POLA2: variants seen among roughly 807,000 people sequenced by gnomAD.
The protein encoded by POLA2 is DNA polymerase alpha 2, accessory subunit.
POLA2 carries 47 observed loss-of-function variants against 82.8 expected under a neutral mutation model. That is an observed-to-expected ratio of 0.57 (90% confidence interval 0.45 to 0.72). The LOEUF (loss-of-function observed/expected upper bound fraction) is 0.72. Among genes scored for constraint, POLA2 ranks in the 30% least tolerant of loss-of-function variants. POLA2 has a pLI of 0.00. For synonymous variants in POLA2, 287 were observed against 286.8 expected, an observed-to-expected ratio of 1.00 and a Z score of -0.01; for missense variants, 634 against 728.1, an observed-to-expected ratio of 0.87 and a Z score of 1.49.
chr11:65,305,660 G>A (rs539567069), downstream of POLA2: 1 of 293,634 alleles, frequency 3.4e-6, no homozygotes, highest in South Asian at 2.8e-5. Context: ...CAGCCTGGGT[G>A]ACAGAGCAGG....
chr11:65,267,301 A>T (rs1246647899), intron 2 of POLA2, among the ~76,000 whole-genome samples, 176 bp from the exon 3 acceptor site: 1 of 152,106 alleles, frequency 6.6e-6, no homozygotes, highest in African/African-American at 2.4e-5. Context: ...GGATTGTTAT[A>T]TGTTATAGAC....
In POLA2 at chr11:65,266,605, G is replaced by C; in HGVS notation, c.103G>C (p.Gly35Arg). ...AGTGGTAGAGCTTTGTGTTCAGTAT[G>C]GACAGAATGAGGAGGGAATGGTAGG... ...EKLVELCVQY[G>R]QNEEGMVGEL... Residue 35 changes from glycine (G) to arginine (R), a missense_variant, in exon 2 of 18, where the codon GGA becomes CGA. Coordinates refer to ENST00000265465, the MANE Select transcript of POLA2 (RefSeq NM_002689.4). 1 of 1,614,050 alleles carries C rather than the reference G, an allele frequency of 6.2e-7. No individual in the cohort carries two copies. The highest frequency in any genetic ancestry group is 8.5e-7 in the Non-Finnish European group (1 of 1,179,898).
At position 65,282,515 on chromosome 11, in the gene POLA2, G is replaced by A. The variant is rs769679791; in HGVS notation, c.1000G>A (p.Asp334Asn). 4 of 1,613,246 alleles carry A rather than the reference G, an allele frequency of 2.5e-6. No individual in the cohort carries two copies. The highest frequency in any genetic ancestry group is 1.1e-5 in the South Asian group (1 of 91,058). ...TCCATTTTATCAGCCCACTGAAGAG[G>A]ATGCAGGTGAGTTTCGGTTCAAATA... is the stretch of plus-strand genomic sequence containing the variant. ...PLPFYQPTEE[D>N]ADFEQSMVLV... Residue 334 changes from aspartate (D) to asparagine (N), a missense_variant, in exon 10 of 18, where the codon GAT (aspartate) becomes AAT (asparagine). Physicochemically the swap from Asp to Asn is conservative, Grantham distance 23. Coordinates refer to ENST00000265465, the MANE Select transcript of POLA2 (RefSeq NM_002689.4).
downstream of POLA2, chr11:65,298,799 C>CA (rs1212416291): frequency 3.3e-5 from 5 of 152,380 alleles, no homozygotes; most frequent in African/African-American, 1.2e-4. Context: ...CTCCTCCACA[C>CA]ATGAAGCAGC....
chr11:65,292,366 T>C (rs762710200), intron 13 of POLA2, among the ~76,000 whole-genome samples: 4 of 152,266 alleles, frequency 2.6e-5, no homozygotes, highest in Non-Finnish European at 5.9e-5. Flanking sequence ...ATGCTGAGCA[T>C]AGTTGGGATG....
intron 9 of POLA2, 102 bp from the exon 10 acceptor site, chr11:65,282,377 C>T (rs1257391013): frequency 2.2e-6 from 2 of 901,966 alleles, no homozygotes; most frequent in Non-Finnish European, 3.7e-6. Context: ...CCACTGTCCT[C>T]CCATCACACA....
intron 10 of POLA2, among the ~76,000 whole-genome samples, chr11:65,286,217 G>A (rs1278165601): frequency 2.0e-5 from 3 of 152,110 alleles, no homozygotes; most frequent in Non-Finnish European, 4.4e-5. Flanking sequence ...AGAAATCTTA[G>A]GCTTCTGGCT....
chr11:65,278,883 C>T lies in POLA2; in HGVS notation c.615C>T (p.Ser205=). ...VLGCPEALTG[S]YKSMFQKLPD... is the part of the protein sequence containing the mutation. ...GATGTCCAGAGGCACTAACTGGGAG[C>T]TACAAATCCATGTTTCAGAAGCTCC... The change falls in exon 6 of 18, where the codon AGC becomes AGT. Residue 205 remains serine, a synonymous_variant. Coordinates refer to ENST00000265465, the MANE Select transcript of POLA2 (RefSeq NM_002689.4). The T allele has an allele frequency of 6.2e-7, 1 of 1,613,648 alleles. No homozygotes were observed. The highest frequency in any genetic ancestry group is 8.5e-7 in the Non-Finnish European group (1 of 1,180,000).
rs577884260 is a variant in POLA2 at position 65,281,824 on chromosome 11, G to C, written c.963+92G>C. ...TTCTAGAAACTGGTCCTTTTTAGGA[G>C]CCCATTTATTTGTTAGTCAGTTCTC... On this transcript the variant is annotated intron_variant, in intron 9 of 17. Transcript: ENST00000265465. 14 of 1,027,106 alleles carry C rather than the reference G, an allele frequency of 1.4e-5. No individual in the cohort carries two copies. The East Asian group carries it at 3.4e-4, about 25-fold the overall frequency. 63.6% of individuals were successfully genotyped at this position (1,027,106 alleles called of 1,614,324 possible).
rs1244209808 is a variant in POLA2, at chr11:65,268,751, A to G, written c.354+22A>G. On this transcript the variant is annotated intron_variant, in intron 4 of 17. Transcript: ENST00000265465. ...AAAGGTAAGTAAACAGTGTTTGGACATTGCATTTTACAAGTAACATTTTAA... is the reference window on the plus strand; with the variant it reads ...AAAGGTAAGTAAACAGTGTTTGGACGTTGCATTTTACAAGTAACATTTTAA... 5 of 1,465,836 alleles carry G rather than the reference A, an allele frequency of 3.4e-6. No individual in the cohort carries two copies. The South Asian group carries it at 5.1e-5, about 15-fold the overall frequency. 90.8% of individuals were successfully genotyped at this position (1,465,836 alleles called of 1,614,324 possible).
chr11:65,281,796 C>A, intron 9 of POLA2, 64 bp downstream of exon 9: 1 of 1,322,094 alleles, frequency 7.6e-7, no homozygotes, highest in Non-Finnish European at 1.1e-6. Flanking sequence ...TGGAAGCTGT[C>A]TGTTCTAGAA....
chr11:65,266,413 G>A, intron 1 of POLA2, 169 bp from the exon 2 acceptor site: 1 of 637,568 alleles, frequency 1.6e-6, no homozygotes, highest in South Asian at 1.9e-5. Flanking sequence ...TCAGTGGTGA[G>A]CTTTGTAAGG....
chr11:65,264,979 C>T (rs1256959479), intron 1 of POLA2, among the ~76,000 whole-genome samples: 7 of 152,204 alleles, frequency 4.6e-5, no homozygotes, highest in Admixed American at 1.3e-4. Context: ...GCCTGTAATC[C>T]GAGCACTTTG....
At chr11:65,300,287 C>T (rs1949852775), downstream of POLA2, among the ~76,000 whole-genome samples, 1 of 152,024 alleles carries the variant, frequency 6.6e-6, no homozygotes, top group African/African-American at 2.4e-5. Context: ...CCTCTGCCTC[C>T]CGGGTTCGAT....
intron 4 of POLA2, among the ~76,000 whole-genome samples, chr11:65,273,104 G>C (rs1246267905): frequency 6.6e-6 from 1 of 151,874 alleles, no homozygotes; most frequent in Non-Finnish European, 1.5e-5. Flanking sequence ...TGGATCACCT[G>C]AGGTCAGGAG....
At chr11:65,295,671 T>C (rs1289517596) in intron 16 of POLA2, 72 bp downstream of exon 16, 1 of 1,403,038 alleles carries the variant, frequency 7.1e-7, no homozygotes, top group African/African-American at 1.4e-5. Flanking sequence ...CAAGCATGAC[T>C]GTAAGAGCCT....
chr11:65,299,084 G>T (rs957930772), downstream of POLA2, among the ~76,000 whole-genome samples: 19 of 152,206 alleles, frequency 1.2e-4, no homozygotes, highest in Non-Finnish European at 2.4e-4. Context: ...ACCGTCCCTA[G>T]ACCCCACTTC....
downstream of POLA2, among the ~76,000 whole-genome samples, chr11:65,302,726 ATTTTT>A (rs538549217): frequency 7.1e-4 from 105 of 148,284 alleles, no homozygotes; most frequent in African/African-American, 2.5e-3. Context: ...ACCTGTTTGA[ATTTTT>A]TTTTTTATTT....
At chr11:65,274,631 G>C (rs1481637217) in intron 4 of POLA2, among the ~76,000 whole-genome samples, 2 of 150,288 alleles carry the variant, frequency 1.3e-5, no homozygotes, top group Non-Finnish European at 2.9e-5. Flanking sequence ...AGTGAGCCGA[G>C]ATCTTGCCAC....
Sources: gnomAD v4.1 joint callset for allele counts (sites outside exome capture counted in the v4.1 genomes callset) on GRCh38, gnomAD v4.1.1 for gene constraint, MANE v1.5 for transcripts, NCBI Gene and HGNC (gene_info 2026-07-23, HGNC 2026-07-21) for gene names.